Variants in RBFOX1 observed in about 807,000 individuals in gnomAD.
RBFOX1 encodes RNA binding protein fox-1 homolog 1.
A neutral mutation model predicts 57.7 loss-of-function variants in RBFOX1; 8 were observed. The observed-to-expected ratio is 0.14, with a 90% CI of 0.08 to 0.25. The LOEUF (loss-of-function observed/expected upper bound fraction) is 0.25, where lower values mean the gene tolerates loss of function less well. RBFOX1 is among the 10% of genes least tolerant of loss of function. The pLI is 1.00. For missense variants in RBFOX1, 611 were observed against 548.5 expected, an observed-to-expected ratio of 1.11 and a Z score of -1.14; for synonymous variants, 326 against 222.4, an observed-to-expected ratio of 1.47 and a Z score of -4.15.
Position 7,578,355 on chromosome 16 carries a change from G to A in RBFOX1, c.271-1422G>A, listed in dbSNP as rs1507003. Reference sequence around the variant, plus strand: ...AATACATGACTTGCACTTAAAAGCTGAAGTCAACTGGTAGGTCTTTTGATA... The same window carrying A: ...AATACATGACTTGCACTTAAAAGCTAAAGTCAACTGGTAGGTCTTTTGATA... On this transcript the variant is annotated intron_variant, in intron 5 of 15. Coordinates refer to ENST00000550418, the MANE Select transcript of RBFOX1 (RefSeq NM_018723.4). Among the ~76,000 whole-genome samples the A allele has an allele frequency of 3.6e-3, 552 of 152,300 alleles. 4 individuals carry two copies. The highest frequency in any genetic ancestry group is 0.013 in the African/African-American group (522 of 41,564).
At chr16:5,693,826 T>G (rs2050768258) in intron 3 of RBFOX1, among the ~76,000 whole-genome samples, 2 of 152,160 alleles carry the variant, frequency 1.3e-5, no homozygotes, top group African/African-American at 4.8e-5. Flanking sequence ...CAAACTCAGC[T>G]CAAGTATTGT....
At chr16:5,476,355 T>C (rs996318034) in intron 2 of RBFOX1, among the ~76,000 whole-genome samples, 5 of 152,198 alleles carry the variant, frequency 3.3e-5, no homozygotes, top group Non-Finnish European at 4.4e-5. Flanking sequence ...TCTTATATGC[T>C]CCAAACTGGA....
intron 1 of RBFOX1, among the ~76,000 whole-genome samples, chr16:5,391,835 C>G (rs900987480): frequency 2.6e-5 from 4 of 151,060 alleles, no homozygotes; most frequent in African/African-American, 9.7e-5. Context: ...TATATACACA[C>G]ACACCATATA....
At chr16:7,219,529 A>G (rs1336548628) in intron 4 of RBFOX1, among the ~76,000 whole-genome samples, 1 of 152,320 alleles carries the variant, frequency 6.6e-6, no homozygotes, top group East Asian at 1.9e-4. Flanking sequence ...GTAATGTGCA[A>G]GAGGAAACAA....
chr16:6,712,233 A>G (rs577243616), intron 3 of RBFOX1, among the ~76,000 whole-genome samples: 1 of 152,260 alleles, frequency 6.6e-6, no homozygotes, highest in South Asian at 2.1e-4. Flanking sequence ...TTAAAACTCA[A>G]AATGGAACTC....
At chr16:6,214,377 G>C (rs752393524) in intron 1 of RBFOX1, among the ~76,000 whole-genome samples, 4 of 149,750 alleles carry the variant, frequency 2.7e-5, no homozygotes, top group Non-Finnish European at 3.0e-5. Flanking sequence ...GGGAGAAAGA[G>C]TGAGAGTGAG....
chr16:7,426,675 A>G (rs1192879108), intron 4 of RBFOX1, among the ~76,000 whole-genome samples: 1 of 152,124 alleles, frequency 6.6e-6, no homozygotes, highest in Non-Finnish European at 1.5e-5. Context: ...CAAGAAGGGG[A>G]CATGATGCGT....
downstream of RBFOX1, among the ~76,000 whole-genome samples, chr16:5,603,464 A>T (rs1398110003): frequency 6.6e-6 from 1 of 152,204 alleles, no homozygotes; most frequent in Non-Finnish European, 1.5e-5. Context: ...GGGGAAGGCC[A>T]GCAGGTTCTT....
chr16:6,951,917 G>C (rs950132970), intron 3 of RBFOX1, among the ~76,000 whole-genome samples: 1 of 152,226 alleles, frequency 6.6e-6, no homozygotes, highest in East Asian at 1.9e-4. Context: ...TGTATATTTA[G>C]TAGAGATGGG....
intron 15 of RBFOX1, chr16:7,709,531 C>T: frequency 6.5e-7 from 1 of 1,533,390 alleles, no homozygotes; most frequent in Non-Finnish European, 8.7e-7. Context: ...TTCAGAGGAG[C>T]TAAGCTGCAC....
intron 5 of RBFOX1, among the ~76,000 whole-genome samples, chr16:7,560,145 C>T (rs1004936612): frequency 3.3e-5 from 5 of 152,192 alleles, no homozygotes; most frequent in Non-Finnish European, 7.3e-5. Flanking sequence ...AAGACCAGTG[C>T]GATTCATGTA....
intron 1 of RBFOX1, among the ~76,000 whole-genome samples, chr16:5,464,975 C>T (rs1455609035): frequency 6.6e-6 from 1 of 152,162 alleles, no homozygotes; most frequent in Non-Finnish European, 1.5e-5. Context: ...TGAGCTGACA[C>T]AGGGGTCTGG....
At chr16:7,088,365 A>G (rs574395537) in intron 4 of RBFOX1, among the ~76,000 whole-genome samples, 1 of 152,162 alleles carries the variant, frequency 6.6e-6, no homozygotes, top group African/African-American at 2.4e-5. Flanking sequence ...GTGACTACTT[A>G]TTTGTCATTT....
rs28419130 is a variant in RBFOX1, at chr16:5,366,239, G to A, written c.220-100977G>A. The A allele has an allele frequency of 2.5e-4, 102 of 410,980 alleles. 1 individual carries two copies. Among genetic ancestry groups the A allele is most frequent in the African/African-American group, 1.9e-3 (92 of 48,394 alleles). 25.5% of individuals were successfully genotyped at this position (410,980 alleles called of 1,614,324 possible). On this transcript the variant is annotated intron_variant, in intron 1 of 2. Transcript: ENST00000585867. ...AGGCTGCCCCTGGAGGTGGTAGCAT[G>A]GTTCCACAGAAAAAAGTAAAACTTG... is the stretch of plus-strand genomic sequence containing the variant.
At chr16:6,521,593 T>TA (rs1249818032) in intron 2 of RBFOX1, among the ~76,000 whole-genome samples, 4 of 151,570 alleles carry the variant, frequency 2.6e-5, no homozygotes, top group Admixed American at 2.6e-4. Context: ...CTTTTTTCCT[T>TA]AAAACACCAG....
intron 4 of RBFOX1, among the ~76,000 whole-genome samples, chr16:7,309,439 T>C (rs1413683665): frequency 2.6e-5 from 4 of 152,196 alleles, no homozygotes; most frequent in Admixed American, 6.5e-5. Context: ...ACCAAAGCCT[T>C]GTGCCATTCG....
At chr16:6,270,624 T>G (rs2075098266) in intron 1 of RBFOX1, among the ~76,000 whole-genome samples, 1 of 151,980 alleles carries the variant, frequency 6.6e-6, no homozygotes, top group African/African-American at 2.4e-5. Flanking sequence ...TGGAAGAATA[T>G]CACAATTATA....
intron 1 of RBFOX1, among the ~76,000 whole-genome samples, chr16:6,242,448 C>G (rs1053797500): frequency 2.6e-5 from 4 of 151,746 alleles, no homozygotes; most frequent in African/African-American, 9.7e-5. Flanking sequence ...AGGCTGGTCT[C>G]AAACTCCTGG....
chr16:6,894,840 T>C (rs948628741), intron 3 of RBFOX1, among the ~76,000 whole-genome samples: 1 of 152,208 alleles, frequency 6.6e-6, no homozygotes, highest in Admixed American at 6.5e-5. Context: ...GAATAAGACA[T>C]GTTGGGTTTA....
Sources: allele counts gnomAD v4.1 joint callset (sites outside exome capture counted in the v4.1 genomes callset), GRCh38; gene constraint gnomAD v4.1.1; transcripts MANE v1.5; gene names NCBI Gene and HGNC (gene_info 2026-07-23, HGNC 2026-07-21).